Variants in LOXHD1 observed in about 807,000 individuals in gnomAD.
The protein encoded by LOXHD1 is lipoxygenase homology PLAT domains 1, also known as lipoxygenase homology domain-containing protein 1.
In LOXHD1, 205 loss-of-function variants were observed where a neutral mutation model predicts 248.2. That is an observed-to-expected ratio of 0.83 (90% CI 0.74 to 0.93). The LOEUF (loss-of-function observed/expected upper bound fraction) is 0.93. Ranked by LOEUF, LOXHD1 falls within the 40% of genes least tolerant of loss-of-function variation. The pLI is 0.00. For synonymous variants in LOXHD1, 1,113 were observed against 1,162.8 expected, an observed-to-expected ratio of 0.96 and a Z score of 0.87; for missense variants, 2,930 against 2,971.6, an observed-to-expected ratio of 0.99 and a Z score of 0.33.
At position 46,560,611 on chromosome 18, in the gene LOXHD1, C is replaced by G. The variant is rs540345467; in HGVS notation, c.2599-66G>C. On this transcript the variant is annotated intron_variant, in intron 18 of 40. Transcript: ENST00000642948. Reference sequence around the variant, plus strand: ...TCCTCCCCAACGCCCCCAACACCCCCGCCCAACAAAGAGCCAGGCACAAGG... The same window carrying G: ...TCCTCCCCAACGCCCCCAACACCCCGGCCCAACAAAGAGCCAGGCACAAGG... The G allele has an allele frequency of 4.3e-6, 6 of 1,405,996 alleles. No individual in the cohort carries two copies. In the African/African-American group the frequency reaches 7.2e-5, roughly 17 times the overall value. 87.1% of individuals were successfully genotyped at this position (1,405,996 alleles called of 1,614,324 possible).
chr18:46,564,176 A>G (rs977613073), intron 17 of LOXHD1, among the ~76,000 whole-genome samples: 1 of 151,972 alleles, frequency 6.6e-6, no homozygotes, highest in Non-Finnish European at 1.5e-5. Context: ...TAAAAGAGCT[A>G]AATCCTCTTT....
chr18:46,603,918 C>T (rs2084894631), intron 7 of LOXHD1, among the ~76,000 whole-genome samples, 188 bp downstream of exon 7: 2 of 152,224 alleles, frequency 1.3e-5, no homozygotes, highest in South Asian at 4.1e-4. Flanking sequence ...CCCCCAGGTC[C>T]TCTGGCAACA....
Position 46,489,124 on chromosome 18 carries a change from T to A in LOXHD1, c.5897A>T (p.His1966Leu), listed in dbSNP as rs573875462. Reference protein sequence around the residue: ...HDNKGIFPGWHLSYVDVKDNS... With the variant: ...HDNKGIFPGWLLSYVDVKDNS... ...GTCCTTCACATCGACATAGCTCAGA[T>A]GCCAGCCAGGAAATATCCCTGTGGA... Residue 1966 changes from histidine (H) to leucine (L), a missense_variant, in exon 38 of 41, where the codon CAT becomes CTT. His to Leu is a moderately conservative substitution (Grantham distance 99, BLOSUM62 -3). Transcript: ENST00000642948. 9 of 1,551,666 alleles carry A rather than the reference T, an allele frequency of 5.8e-6. No homozygotes were observed. In the South Asian group the frequency reaches 8.3e-5, roughly 14 times the overall value.
intron 35 of LOXHD1, among the ~76,000 whole-genome samples, chr18:46,508,080 C>T (rs770377351): frequency 1.3e-5 from 2 of 152,264 alleles, no homozygotes; most frequent in Admixed American, 6.5e-5. Context: ...GGGAGCAGAA[C>T]GCTGACATTT....
At chr18:46,650,904 G>A (rs71364552) in intron 1 of LOXHD1, among the ~76,000 whole-genome samples, 12,989 of 152,228 alleles carry the variant, frequency 0.085, 727 homozygotes, top group Non-Finnish European at 0.13. Context: ...CTGGACAAGT[G>A]CCAGCCTCTC....
In LOXHD1 at chr18:46,638,899, C is replaced by T. The variant is rs568583030; in HGVS notation, c.511+717G>A. On this transcript the variant is annotated intron_variant, in intron 4 of 40. Transcript: ENST00000642948. ...TAGGAAGCCACTTCTCATCTCCTGG[C>T]TCCAAAGTCCCTTCCCCTCTCATGG... Among the ~76,000 whole-genome samples the T allele has an allele frequency of 3.9e-5, 6 of 152,276 alleles. No individual in the cohort carries two copies. The South Asian group carries it at 1.2e-3, about 32-fold the overall frequency.
intron 37 of LOXHD1, among the ~76,000 whole-genome samples, chr18:46,492,613 G>A (rs1259643069): frequency 1.3e-5 from 2 of 152,214 alleles, no homozygotes; most frequent in African/African-American, 4.8e-5. Context: ...GGGACACAGA[G>A]CCAAAGCATA....
chr18:46,551,106 C>CTTTT (rs1239620935), intron 21 of LOXHD1, among the ~76,000 whole-genome samples: 1 of 141,026 alleles, frequency 7.1e-6, no homozygotes, highest in African/African-American at 2.7e-5. Flanking sequence ...CTTTTCTTTT[C>CTTTT]TTTTTTTTTT....
chr18:46,565,472 G>C (rs772963019), intron 17 of LOXHD1, among the ~76,000 whole-genome samples: 1 of 152,102 alleles, frequency 6.6e-6, no homozygotes, highest in African/African-American at 2.4e-5. Flanking sequence ...GCCTGTGAGC[G>C]CAAGGGTTTT....
rs535680395 is a variant in LOXHD1 at position 46,655,069 on chromosome 18, A to G, written c.130+1835T>C. 2.6e-5 allele frequency among the ~76,000 whole-genome samples: 4 copies of G among 152,370 alleles called. No homozygotes were observed. The East Asian group carries it at 7.7e-4, about 29-fold the overall frequency. ...CATCTGCTGCAATGTGTCATCATGA[A>G]GATGAAATTAGTTAACATGAATAAA... On this transcript the variant is annotated intron_variant, in intron 1 of 40. Coordinates refer to ENST00000642948, the MANE Select transcript of LOXHD1 (RefSeq NM_001384474.1).
chr18:46,656,364 C>T (rs1444800232), intron 1 of LOXHD1, among the ~76,000 whole-genome samples: 2 of 152,156 alleles, frequency 1.3e-5, no homozygotes, highest in Non-Finnish European at 2.9e-5. Context: ...TCTCATGTGG[C>T]CCAGGGAAAG....
chr18:46,560,306 G>T lies in LOXHD1; in HGVS notation c.2838C>A (p.Ser946Arg), dbSNP rs947223183. 7.7e-6 allele frequency: 12 copies of T among 1,551,300 alleles called. No individual in the cohort carries two copies. Among genetic ancestry groups the T allele is most frequent in the African/African-American group, 2.7e-5 (2 of 72,934 alleles). The stretch of plus-strand genomic sequence containing the variant: ...CTTCCTCCCCCTCGTCCTCTTCGTC[G>T]CTGCCCTTCCTCTTCTTCTTCTTCC... ...LQRKKKKRKG[S>R]DEEDEGEEEE... The change falls in exon 19 of 41, where the codon AGC (serine) becomes AGA (arginine). Residue 946 changes from serine to arginine, a missense_variant. Ser to Arg is a moderately radical substitution (Grantham distance 110). Transcript: ENST00000642948.
At chr18:46,652,212 T>G (rs2039120446) in intron 1 of LOXHD1, among the ~76,000 whole-genome samples, 1 of 152,184 alleles carries the variant, frequency 6.6e-6, no homozygotes, top group Non-Finnish European at 1.5e-5. Flanking sequence ...GAAATGTGGT[T>G]GCCTGGGGTC....
rs753195267 is a variant in LOXHD1 at position 46,560,431 on chromosome 18, C to T, written c.2713G>A (p.Glu905Lys). ...TCCTCCTCCGGCGTGAGGTCCACCT[C>T]CCGCACCACCAGGTGCCGCAGCCAC... is the stretch of plus-strand genomic sequence containing the variant. Reference protein sequence around the residue: ...TVWLRHLVVREVDLTPEEEAR... With the variant: ...TVWLRHLVVRKVDLTPEEEAR... Residue 905 changes from glutamate to lysine, a missense_variant, in exon 19 of 41, where the codon GAG becomes AAG. Transcript: ENST00000642948. 3.9e-6 allele frequency: 6 copies of T among 1,546,084 alleles called. No individual in the cohort carries two copies. The East Asian group carries it at 7.3e-5, about 19-fold the overall frequency.
Position 46,618,212 on chromosome 18 carries a change from A to G in LOXHD1, c.590T>C (p.Phe197Ser), listed in dbSNP as rs1189397687. The change falls in exon 5 of 41, where the codon TTT (phenylalanine) becomes TCT (serine). Residue 197 changes from phenylalanine (F) to serine (S), a missense_variant. Coordinates refer to ENST00000642948, the MANE Select transcript of LOXHD1 (RefSeq NM_001384474.1). ...GTDADVFINI[F>S]GEYGDTGERR... ...ATTACCTGTGTCTCCATACTCTCCA[A>G]AAATATTGATGAAGACATCAGCATC... 6.4e-7 allele frequency: 1 copy of G among 1,551,344 alleles called. No individual in the cohort carries two copies. Among genetic ancestry groups the G allele is most frequent in the South Asian group, 1.2e-5 (1 of 84,042 alleles).
At chr18:46,656,785 A>C in intron 1 of LOXHD1, 119 bp downstream of exon 1, 1 of 1,147,352 alleles carries the variant, frequency 8.7e-7, no homozygotes, top group South Asian at 1.5e-5. Flanking sequence ...GACACATGGG[A>C]TAATCAGTGA....
chr18:46,487,812 G>A (rs965731030), intron 38 of LOXHD1, among the ~76,000 whole-genome samples: 19 of 152,170 alleles, frequency 1.2e-4, no homozygotes, highest in Non-Finnish European at 2.6e-4. Context: ...CTGAGACCAC[G>A]GGAGCCTCTG....
In LOXHD1 at chr18:46,557,565, G is replaced by A. The variant is rs1598997670; in HGVS notation, c.3217-76C>T. 15 of 1,529,926 alleles carry A rather than the reference G, an allele frequency of 9.8e-6. No homozygotes were observed. The East Asian group carries it at 3.4e-4, about 35-fold the overall frequency. The allele number at this position is 1,529,926 out of a possible 1,614,324, so 94.8% of individuals were successfully genotyped here. On this transcript the variant is annotated intron_variant, in intron 20 of 40. Transcript: ENST00000642948. ...ATGGCCATCAGCCCCATCCTCCCAA[G>A]AACCAGGGCAGCCAGCCAGAGGCCA...
At chr18:46,557,686 C>A (rs572512895) in intron 20 of LOXHD1, among the ~76,000 whole-genome samples, 197 bp from the exon 21 acceptor site, 9 of 152,180 alleles carry the variant, frequency 5.9e-5, no homozygotes, top group Non-Finnish European at 1.3e-4. Flanking sequence ...TAACTTGTCC[C>A]TGCCAGGAGA....
Sources: gnomAD v4.1 joint callset for allele counts (sites outside exome capture counted in the v4.1 genomes callset) on GRCh38, gnomAD v4.1.1 for gene constraint, MANE v1.5 for transcripts, NCBI Gene and HGNC (gene_info 2026-07-23, HGNC 2026-07-21) for gene names.